FRMD5: variants seen among roughly 807,000 people sequenced by gnomAD.
FRMD5 encodes FERM domain-containing protein 5.
Under a neutral mutation model 69.0 loss-of-function variants are expected in FRMD5, and 20 were observed. That is an observed-to-expected ratio of 0.29 (90% CI 0.20 to 0.42). The LOEUF is 0.42. FRMD5 is among the 10% of genes least tolerant of loss of function. The pLI is 1.00. For synonymous variants in FRMD5, 271 were observed against 260.1 expected (o/e 1.04, Z -0.40); for missense variants, 595 against 708.6 (o/e 0.84, Z 1.82).
At chr15:44,197,450 G>A (rs534018700), upstream of FRMD5, among the ~76,000 whole-genome samples, 47 of 152,044 alleles carry the variant, frequency 3.1e-4, no homozygotes, top group African/African-American at 1.0e-3. Flanking sequence ...TTAGGAGGCC[G>A]AGGTGGGTGG....
chr15:44,158,027 G>A (rs1360369363), intron 1 of FRMD5, among the ~76,000 whole-genome samples: 3 of 152,058 alleles, frequency 2.0e-5, no homozygotes, highest in Non-Finnish European at 2.9e-5. Flanking sequence ...AGCATCTGGC[G>A]GAACTGGATT....
chr15:44,074,801 T>C (rs962469515), intron 1 of FRMD5, among the ~76,000 whole-genome samples: 2 of 152,184 alleles, frequency 1.3e-5, no homozygotes, highest in African/African-American at 4.8e-5. Context: ...TTAGTTGCTA[T>C]AAGAAACTTT....
intron 4 of FRMD5, among the ~76,000 whole-genome samples, chr15:43,915,175 A>C (rs1355261590): frequency 2.6e-5 from 4 of 152,242 alleles, no homozygotes; most frequent in African/African-American, 9.6e-5. Flanking sequence ...GGCAAACTAC[A>C]GCCCACTGCC....
chr15:44,075,935 ATG>A (rs1308322244), intron 1 of FRMD5, among the ~76,000 whole-genome samples: 1 of 152,026 alleles, frequency 6.6e-6, no homozygotes, highest in African/African-American at 2.4e-5. Flanking sequence ...GCATTTTTTC[ATG>A]TGTTTTTTGG....
chr15:44,158,075 A>C (rs1023164459), intron 1 of FRMD5, among the ~76,000 whole-genome samples: 2 of 152,188 alleles, frequency 1.3e-5, no homozygotes, highest in Non-Finnish European at 2.9e-5. Context: ...CACTTGATTT[A>C]AGGCAAAAGA....
At chr15:43,924,462 C>T (rs2089548580) in intron 1 of FRMD5, 153 bp from the exon 2 acceptor site, 1 of 616,336 alleles carries the variant, frequency 1.6e-6, no homozygotes, top group Non-Finnish European at 2.8e-6. Flanking sequence ...TGTGATACAT[C>T]ACTCACTGTC....
intron 1 of FRMD5, among the ~76,000 whole-genome samples, chr15:44,088,575 T>C (rs987648442): frequency 3.3e-5 from 5 of 152,200 alleles, no homozygotes; most frequent in African/African-American, 7.2e-5. Flanking sequence ...TCCCTCCTCA[T>C]GTTTTCTCTT....
intron 1 of FRMD5, among the ~76,000 whole-genome samples, chr15:44,042,496 T>C (rs1381354662): frequency 6.6e-6 from 1 of 152,186 alleles, no homozygotes; most frequent in Admixed American, 6.5e-5. Flanking sequence ...TTTAGGCCAA[T>C]ATCCCTGATG....
rs547062808 is a variant in FRMD5, at chr15:43,884,551, C to G, written c.1028+176G>C. Among the ~76,000 whole-genome samples the G allele has an allele frequency of 2.6e-4, 39 of 152,310 alleles. 1 individual carries two copies. The highest frequency in any genetic ancestry group is 2.4e-3 in the Admixed American group (37 of 15,292). On this transcript the variant is annotated intron_variant, in intron 12 of 13. Transcript: ENST00000417257. The stretch of plus-strand genomic sequence containing the variant: ...TAGCCCTTCCTCCCTCCCCAGCTCT[C>G]TTATTAAGGGTCAAAGACTTCTCCC...
intron 1 of FRMD5, 92 bp downstream of exon 1, chr15:44,194,861 C>T (rs1171681167): frequency 1.4e-5 from 15 of 1,062,782 alleles, no homozygotes; most frequent in East Asian, 8.1e-5. Flanking sequence ...GGGGCTGGGG[C>T]GACCCCTGGG....
At chr15:43,895,939 A>G (rs2088901606) in intron 7 of FRMD5, among the ~76,000 whole-genome samples, 1 of 152,214 alleles carries the variant, frequency 6.6e-6, no homozygotes, top group South Asian at 2.1e-4. Flanking sequence ...TGTGTGCAAA[A>G]TAACAAGTTG....
intron 1 of FRMD5, among the ~76,000 whole-genome samples, chr15:43,978,804 G>A (rs1252964725): frequency 6.6e-6 from 1 of 151,952 alleles, no homozygotes; most frequent in East Asian, 1.9e-4. Context: ...CACCCACCTC[G>A]GCTTCCCAAA....
intron 1 of FRMD5, among the ~76,000 whole-genome samples, chr15:44,181,228 A>G (rs2077995581): frequency 1.3e-5 from 2 of 151,872 alleles, no homozygotes; most frequent in African/African-American, 2.4e-5. Context: ...TTTTTGGTAG[A>G]GACAGCGGTC....
chr15:44,198,300 C>T (rs2140638762), upstream of FRMD5, among the ~76,000 whole-genome samples: 1 of 142,484 alleles, frequency 7.0e-6, no homozygotes, highest in Admixed American at 7.4e-5. Flanking sequence ...GCACTCCAGC[C>T]TGGGCAACAG....
chr15:44,100,227 T>A (rs1393106839), intron 1 of FRMD5, among the ~76,000 whole-genome samples: 1 of 151,456 alleles, frequency 6.6e-6, no homozygotes, highest in Non-Finnish European at 1.5e-5. Flanking sequence ...CTAAATTTTT[T>A]TTTTTTTTAA....
At chr15:43,932,083 C>T (rs951572583) in intron 1 of FRMD5, among the ~76,000 whole-genome samples, 1 of 152,208 alleles carries the variant, frequency 6.6e-6, no homozygotes, top group African/African-American at 2.4e-5. Flanking sequence ...CTAAGGATGA[C>T]TGTGGGGCTA....
intron 1 of FRMD5, among the ~76,000 whole-genome samples, chr15:44,187,174 T>C (rs180829999): frequency 6.6e-6 from 1 of 152,348 alleles, no homozygotes; most frequent in Non-Finnish European, 1.5e-5. Flanking sequence ...AGAGTCCTCT[T>C]GGAAATAAAA....
Position 43,976,900 on chromosome 15 carries a change from A to G in FRMD5, c.103-52591T>C, listed in dbSNP as rs540535682. 1.2e-4 allele frequency among the ~76,000 whole-genome samples: 18 copies of G among 150,862 alleles called. No individual in the cohort carries two copies. The East Asian group carries it at 3.5e-3, about 30-fold the overall frequency. The stretch of plus-strand genomic sequence containing the variant: ...GGCTGGAGTGCAGTAGCGTGATTTC[A>G]GCTCACTGCAATCTCCGCCTCCTGG... On this transcript the variant is annotated intron_variant, in intron 1 of 13. Coordinates refer to ENST00000417257, the MANE Select transcript of FRMD5 (RefSeq NM_032892.5).
intron 1 of FRMD5, among the ~76,000 whole-genome samples, chr15:44,173,274 C>A (rs573340984): frequency 6.6e-6 from 1 of 152,112 alleles, no homozygotes; most frequent in African/African-American, 2.4e-5. Flanking sequence ...AGGTTTGATA[C>A]TTTAGCCAGG....
Sources: allele counts gnomAD v4.1 joint callset (sites outside exome capture counted in the v4.1 genomes callset), GRCh38; gene constraint gnomAD v4.1.1; transcripts MANE v1.5; gene names NCBI Gene and HGNC (gene_info 2026-07-23, HGNC 2026-07-21).